DNAJC6: variants seen among roughly 807,000 people sequenced by gnomAD.
The protein encoded by DNAJC6 is DnaJ heat shock protein family (Hsp40) member C6, also known as auxilin.
Under a neutral mutation model 110.0 loss-of-function variants are expected in DNAJC6, and 34 were observed. The ratio of observed to expected loss-of-function variants is 0.31; its 90% confidence interval spans 0.24 to 0.41. The LOEUF (loss-of-function observed/expected upper bound fraction) is 0.41, where lower values mean the gene tolerates loss of function less well. DNAJC6 is among the 10% of genes least tolerant of loss of function. The pLI is 1.00. For missense variants in DNAJC6, 1,031 were observed against 1,207.8 expected, an observed-to-expected ratio of 0.85 and a Z score of 2.17; for synonymous variants, 406 against 437.2, an observed-to-expected ratio of 0.93 and a Z score of 0.89.
intron 7 of DNAJC6, among the ~76,000 whole-genome samples, chr1:65,386,604 G>A (rs780479382): frequency 6.6e-6 from 1 of 152,174 alleles, no homozygotes; most frequent in Non-Finnish European, 1.5e-5. Flanking sequence ...TGCAGAGAGG[G>A]GGCCTGGCAT....
chr1:65,398,796 C>G lies in DNAJC6; in HGVS notation c.2039-17C>G, dbSNP rs1258460032. The stretch of plus-strand genomic sequence containing the variant: ...GAGCTCTCTTGTTCTCATTCTTTTT[C>G]TTTTCCCCATTTGCAGCTTCTAGTA... On this transcript the variant is annotated splice_polypyrimidine_tract_variant and intron_variant, in intron 13 of 18. Transcript: ENST00000371069. 6.2e-7 allele frequency: 1 copy of G among 1,613,742 alleles called. No individual in the cohort carries two copies. Among genetic ancestry groups the G allele is most frequent in the Non-Finnish European group, 8.5e-7 (1 of 1,179,878 alleles).
chr1:65,365,331 A>C (rs1248217147), intron 2 of DNAJC6, among the ~76,000 whole-genome samples: 3 of 152,080 alleles, frequency 2.0e-5, no homozygotes, highest in African/African-American at 7.2e-5. Context: ...GTTATTTTTT[A>C]TTGTTTAGTA....
chr1:65,386,414 G>T (rs1394037136), intron 7 of DNAJC6, among the ~76,000 whole-genome samples: 1 of 152,240 alleles, frequency 6.6e-6, no homozygotes, highest in Non-Finnish European at 1.5e-5. Context: ...TGGCATCCAA[G>T]ACTTTCACAG....
chr1:65,382,493 T>C (rs1282482562), intron 5 of DNAJC6, among the ~76,000 whole-genome samples: 1 of 152,234 alleles, frequency 6.6e-6, no homozygotes, highest in African/African-American at 2.4e-5. Context: ...TGAATTTGGA[T>C]TTTAAAAGTT....
chr1:65,355,026 C>T (rs1645528601), intron 1 of DNAJC6, among the ~76,000 whole-genome samples: 1 of 152,026 alleles, frequency 6.6e-6, no homozygotes, highest in African/African-American at 2.4e-5. Context: ...CATGTAATCC[C>T]AGCACTTTGG....
rs561929371 is a variant in DNAJC6, at chr1:65,391,144, T to C, written c.1469-1287T>C. Among the ~76,000 whole-genome samples, 4 of 152,254 alleles carry C rather than the reference T, an allele frequency of 2.6e-5. 1 individual carries two copies. Among genetic ancestry groups the C allele is most frequent in the South Asian group, 2.1e-4 (1 of 4,826 alleles). On this transcript the variant is annotated intron_variant, in intron 11 of 18. Transcript: ENST00000371069. ...TGATATCTCAGATAATAACCTATAATCAAACATATTAATATTTCTGCAGTA... is the reference window on the plus strand; with the variant it reads ...TGATATCTCAGATAATAACCTATAACCAAACATATTAATATTTCTGCAGTA...
At chr1:65,295,977 A>C (rs1644925422) in intron 1 of DNAJC6, among the ~76,000 whole-genome samples, 1 of 152,242 alleles carries the variant, frequency 6.6e-6, no homozygotes, top group Non-Finnish European at 1.5e-5. Flanking sequence ...AAGCACTGCT[A>C]TCATTATCTT....
Position 65,404,372 on chromosome 1 carries a change from T to C in DNAJC6, c.2228-1498T>C, listed in dbSNP as rs143582511. 4.8e-3 allele frequency among the ~76,000 whole-genome samples: 736 copies of C among 152,348 alleles called. 4 individuals are homozygous for C. The highest frequency in any genetic ancestry group is 0.017 in the African/African-American group (700 of 41,566). On this transcript the variant is annotated intron_variant, in intron 15 of 18. Coordinates refer to ENST00000371069, the MANE Select transcript of DNAJC6 (RefSeq NM_001256864.2). The stretch of plus-strand genomic sequence containing the variant: ...GTGTCTTTACAGTATACCTGTGATA[T>C]AGACATAGTTTTGATTAAACAGATG...
At chr1:65,278,735 C>T (rs538721499) in intron 1 of DNAJC6, among the ~76,000 whole-genome samples, 4 of 152,240 alleles carry the variant, frequency 2.6e-5, no homozygotes, top group East Asian at 1.9e-4. Context: ...ATGTTATGGA[C>T]GAGGGAATTG....
upstream of DNAJC6, among the ~76,000 whole-genome samples, chr1:65,304,607 A>G (rs76011523): frequency 0.04 from 6,142 of 152,272 alleles, 425 homozygotes; most frequent in East Asian, 0.23. Context: ...GAGAAGGAGA[A>G]TGGATCAAGG....
chr1:65,265,039 T>C (rs763859217), intron 1 of DNAJC6: 2 of 1,017,884 alleles, frequency 2.0e-6, no homozygotes, highest in East Asian at 2.6e-5. Flanking sequence ...TAATGGCTAG[T>C]TTAAAATTAC....
rs780609609 is a variant in DNAJC6, at chr1:65,394,034, A to G, written c.1904-864A>G. 4.5e-4 allele frequency among the ~76,000 whole-genome samples: 68 copies of G among 152,210 alleles called. 1 individual carries two copies. Among genetic ancestry groups the G allele is most frequent in the Admixed American group, 1.3e-4 (2 of 15,282 alleles). On this transcript the variant is annotated intron_variant, in intron 12 of 18. Coordinates refer to ENST00000371069, the MANE Select transcript of DNAJC6 (RefSeq NM_001256864.2). ...TTTCATCTGTACTTCACTTCCTTCC[A>G]TACAGTTTTAACTTGCCAAAGTGAA...
intron 1 of DNAJC6, among the ~76,000 whole-genome samples, chr1:65,356,587 A>AATAC (rs1645546013): frequency 6.8e-5 from 1 of 14,646 alleles, no homozygotes; most frequent in Non-Finnish European, 9.7e-5. Context: ...TAAATAAATA[A>AATAC]AATAAAATAA....
intron 1 of DNAJC6, among the ~76,000 whole-genome samples, chr1:65,266,672 T>C (rs1299263653): frequency 6.6e-6 from 1 of 152,080 alleles, no homozygotes; most frequent in African/African-American, 2.4e-5. Context: ...TTTTCAGTGG[T>C]TGGAGAAAGG....
rs1645962065 is a variant in DNAJC6 at position 65,394,878 on chromosome 1, A to G, written c.1904-20A>G. 1.3e-6 allele frequency: 2 copies of G among 1,568,496 alleles called. No individual in the cohort carries two copies. The highest frequency in any genetic ancestry group is 1.7e-6 in the Non-Finnish European group (2 of 1,161,574). ...ATGAACTCATGGGACAAATAAATAT[A>G]TTTTCCCATTGTTTTCTAGGTGCCA... On this transcript the variant is annotated intron_variant, in intron 12 of 18. Transcript: ENST00000371069.
Position 65,279,126 on chromosome 1 carries a change from T to G in DNAJC6, c.-131+14194T>G, listed in dbSNP as rs569461353. On this transcript the variant is annotated intron_variant, in intron 1 of 19. Coordinates refer to the DNAJC6 transcript ENST00000263441. Reference sequence around the variant, plus strand: ...TCTAACAAGAGCCCAGCACAAGGTATGTTTGATCCTCTTTTAAAGCCATTT... The same window carrying G: ...TCTAACAAGAGCCCAGCACAAGGTAGGTTTGATCCTCTTTTAAAGCCATTT... The G allele has an allele frequency of 5.1e-6, 5 of 985,460 alleles. No individual in the cohort carries two copies. The African/African-American group carries it at 8.7e-5, about 17-fold the overall frequency. The allele number at this position is 985,460 out of a possible 1,614,324, so 61.0% of individuals were successfully genotyped here.
Position 65,415,665 on chromosome 1 carries a change from A to T in DNAJC6, c.*2640A>T, listed in dbSNP as rs906436003. On this transcript the variant is annotated 3_prime_UTR_variant, in exon 19 of 19. Transcript: ENST00000371069. ...CTTTATCATAGAAACAAAGTCTCAGATATTTTAGTTCTTTGGAAACAAATG... is the reference window on the plus strand; with the variant it reads ...CTTTATCATAGAAACAAAGTCTCAGTTATTTTAGTTCTTTGGAAACAAATG... 2.2e-4 allele frequency: 33 copies of T among 152,236 alleles called. No homozygotes were observed. The highest frequency in any genetic ancestry group is 1.5e-5 in the Non-Finnish European group (1 of 68,040). 9.4% of individuals were successfully genotyped at this position (152,236 alleles called of 1,614,324 possible).
chr1:65,272,911 T>A lies in DNAJC6; in HGVS notation c.-131+7979T>A, dbSNP rs76643169. On this transcript the variant is annotated intron_variant, in intron 1 of 19. Transcript: ENST00000263441. ...TGTGTTTTAATAAATTCTGTTTTTT[T>A]AGGAATTTGTCCATTTCATCTGAAT... is the stretch of plus-strand genomic sequence containing the variant. 3.2e-3 allele frequency among the ~76,000 whole-genome samples: 490 copies of A among 152,326 alleles called. 2 individuals carry two copies. Among genetic ancestry groups the A allele is most frequent in the African/African-American group, 0.011 (478 of 41,578 alleles).
intron 1 of DNAJC6, among the ~76,000 whole-genome samples, chr1:65,285,708 C>T (rs555714498): frequency 3.1e-4 from 47 of 152,008 alleles, no homozygotes; most frequent in Non-Finnish European, 5.4e-4. Context: ...AGTCTCATTC[C>T]GTCACCCAGG....
Sources: allele counts gnomAD v4.1 joint callset (sites outside exome capture counted in the v4.1 genomes callset), GRCh38; gene constraint gnomAD v4.1.1; transcripts MANE v1.5; gene names NCBI Gene and HGNC (gene_info 2026-07-23, HGNC 2026-07-21).